ABTB3: variants seen among roughly 807,000 people sequenced by gnomAD.
ABTB3 encodes ankyrin repeat- and BTB/POZ domain-containing protein 3.
At chr12:107,564,090 C>CTCTG in the ABTB3 span, among the ~76,000 whole-genome samples, 439 of 126,428 alleles carry the variant, frequency 3.5e-3, 5 homozygotes, top group South Asian at 7.8e-3. Context: ...ATCTATCTCT[C>CTCTG]TGTGTGTGTG....
chr12:107,548,759 G>C, the ABTB3 span, among the ~76,000 whole-genome samples: 1 of 152,222 alleles, frequency 6.6e-6, no homozygotes, highest in African/African-American at 2.4e-5. Flanking sequence ...GGGGCCATGT[G>C]AGGGTACTGT....
chr12:107,416,192 T>C, the ABTB3 span, among the ~76,000 whole-genome samples: 1 of 152,234 alleles, frequency 6.6e-6, no homozygotes, highest in African/African-American at 2.4e-5. Context: ...GATGTGTTTG[T>C]TGAAGGAGAA....
the ABTB3 span, among the ~76,000 whole-genome samples, chr12:107,481,764 C>G: frequency 6.6e-6 from 1 of 152,162 alleles, no homozygotes; most frequent in Non-Finnish European, 1.5e-5. Context: ...TGGGTCTTGT[C>G]TCTGGCCACT....
At chr12:107,539,018 G>T in the ABTB3 span, among the ~76,000 whole-genome samples, 1 of 152,196 alleles carries the variant, frequency 6.6e-6, no homozygotes, top group Non-Finnish European at 1.5e-5. Flanking sequence ...CTCCAGGTTG[G>T]AGTCACAGCC....
chr12:107,631,307 GT>G, the ABTB3 span, among the ~76,000 whole-genome samples: 1 of 152,186 alleles, frequency 6.6e-6, no homozygotes, highest in Non-Finnish European at 1.5e-5. Context: ...CTGCATAGTA[GT>G]CCGTGGTGTA....
At chr12:107,429,229 G>C in the ABTB3 span, among the ~76,000 whole-genome samples, 1 of 152,180 alleles carries the variant, frequency 6.6e-6, no homozygotes, top group African/African-American at 2.4e-5. Context: ...AGCTTGGGCA[G>C]AGCCTGCGAA....
chr12:107,611,458 G>C, the ABTB3 span, among the ~76,000 whole-genome samples: 1 of 152,198 alleles, frequency 6.6e-6, no homozygotes, highest in African/African-American at 2.4e-5. Flanking sequence ...TGGGATTACA[G>C]GCATGAGCCA....
the ABTB3 span, among the ~76,000 whole-genome samples, chr12:107,322,768 A>G: frequency 6.6e-6 from 1 of 152,224 alleles, no homozygotes; most frequent in Non-Finnish European, 1.5e-5. Context: ...TATCTTGCTT[A>G]TTTAAATGCA....
At chr12:107,373,231 C>T in the ABTB3 span, among the ~76,000 whole-genome samples, 24 of 152,102 alleles carry the variant, frequency 1.6e-4, no homozygotes, top group African/African-American at 2.7e-4. Context: ...TGCTGAGCAC[C>T]GGTTTTCTCC....
chr12:107,617,468 C>T, the ABTB3 span: 4 of 1,609,356 alleles, frequency 2.5e-6, no homozygotes, highest in African/African-American at 4.0e-5. Context: ...CCAGAGGTCC[C>T]GAGTGGTGTT....
chr12:107,569,082 C>A, the ABTB3 span, among the ~76,000 whole-genome samples: 7 of 152,306 alleles, frequency 4.6e-5, no homozygotes, highest in South Asian at 1.4e-3. Context: ...ACTAGAATAT[C>A]ATCTTCTCAA....
the ABTB3 span, among the ~76,000 whole-genome samples, chr12:107,541,073 G>A: frequency 6.6e-6 from 1 of 152,204 alleles, no homozygotes; most frequent in African/African-American, 2.4e-5. Flanking sequence ...TCAATCAAGA[G>A]CTCTGTGAAC....
At chr12:107,339,860 A>T in the ABTB3 span, among the ~76,000 whole-genome samples, 1 of 152,146 alleles carries the variant, frequency 6.6e-6, no homozygotes, top group African/African-American at 2.4e-5. Context: ...CTTCTTATCT[A>T]TGGAGGCCCC....
chr12:107,399,083 C>T, the ABTB3 span, among the ~76,000 whole-genome samples: 5,744 of 152,184 alleles, frequency 0.038, 541 homozygotes, highest in East Asian at 0.39. Flanking sequence ...GCAGGTCCAC[C>T]ACAGCTATTT....
At chr12:107,609,281 A>G in the ABTB3 span, among the ~76,000 whole-genome samples, 4 of 152,382 alleles carry the variant, frequency 2.6e-5, no homozygotes, top group African/African-American at 9.6e-5. Flanking sequence ...ACAAACAGGT[A>G]TTCAATAAAT....
At chr12:107,389,028 C>T in the ABTB3 span, among the ~76,000 whole-genome samples, 1 of 105,134 alleles carries the variant, frequency 9.5e-6, no homozygotes, top group East Asian at 3.0e-4. Flanking sequence ...CAGAGTTCAA[C>T]TTTTTAATTT....
At chr12:107,373,793 G>T in the ABTB3 span, among the ~76,000 whole-genome samples, 1 of 152,224 alleles carries the variant, frequency 6.6e-6, no homozygotes, top group Non-Finnish European at 1.5e-5. Context: ...TCCCTGGAGA[G>T]AGGGATGGCC....
chr12:107,469,851 CTCTTTCTTTCTTTCTTTTCTT>C, the ABTB3 span, among the ~76,000 whole-genome samples: 9 of 139,496 alleles, frequency 6.5e-5, no homozygotes, highest in Non-Finnish European at 1.6e-5. Flanking sequence ...CTCTCTCTTT[CTCTTTCTTTCTTTCTTTTCTT>C]TCTTTCTTTC....
At chr12:107,319,746 G>C in the ABTB3 span, 5 of 1,524,266 alleles carry the variant, frequency 3.3e-6, no homozygotes, top group East Asian at 1.2e-4. Flanking sequence ...TCAGGCTCGG[G>C]CTCCGGCCCA....
Sources: gnomAD v4.1 joint callset for allele counts (sites outside exome capture counted in the v4.1 genomes callset) on GRCh38, gnomAD v4.1.1 for gene constraint, MANE v1.5 for transcripts, NCBI Gene and HGNC (gene_info 2026-07-23, HGNC 2026-07-21) for gene names.